Variants in PUM1 observed in about 807,000 individuals in gnomAD.
The protein encoded by PUM1 is pumilio homolog 1.
Under a neutral mutation model 131.8 loss-of-function variants are expected in PUM1, and 13 were observed. That is an observed-to-expected ratio of 0.10 (90% CI 0.06 to 0.16). The LOEUF (loss-of-function observed/expected upper bound fraction) is 0.16, where lower values mean the gene tolerates loss of function less well. Ranked by LOEUF, PUM1 falls within the 10% of genes least tolerant of loss-of-function variation. The pLI is 1.00. For synonymous variants in PUM1, 509 were observed against 556.5 expected (o/e 0.91, Z 1.20); for missense variants, 961 against 1,512.4 (o/e 0.64, Z 6.05).
intron 14 of PUM1, among the ~76,000 whole-genome samples, chr1:30,962,867 C>G (rs946527009): frequency 6.6e-6 from 1 of 151,900 alleles, no homozygotes; most frequent in Non-Finnish European, 1.5e-5. Flanking sequence ...CTATCTGGCT[C>G]TTTATGAAAA....
chr1:30,964,660 G>C lies in PUM1; in HGVS notation c.2323+14C>G. The C allele has an allele frequency of 1.3e-6, 2 of 1,589,334 alleles. No individual in the cohort carries two copies. Among genetic ancestry groups the C allele is most frequent in the Non-Finnish European group, 1.7e-6 (2 of 1,157,572 alleles). ...TTCTAGAGTTCAAGGTGGTGTTAGA[G>C]TAATGGTTCTTACCCAGGTTTAAGC... On this transcript the variant is annotated intron_variant, in intron 14 of 21. Coordinates refer to ENST00000426105, the MANE Select transcript of PUM1 (RefSeq NM_001020658.2).
intron 10 of PUM1, 98 bp downstream of exon 10, chr1:30,974,553 G>T: frequency 8.6e-7 from 1 of 1,160,912 alleles, no homozygotes; most frequent in Non-Finnish European, 1.2e-6. Context: ...GGAAATTCAT[G>T]CATTCACAGT....
intron 5 of PUM1, among the ~76,000 whole-genome samples, chr1:30,995,631 T>G (rs1465729999): frequency 6.6e-6 from 1 of 151,848 alleles, no homozygotes; most frequent in Non-Finnish European, 1.5e-5. Context: ...GCTAATAGCA[T>G]AGAAAAAAAA....
intron 5 of PUM1, 77 bp downstream of exon 5, chr1:31,005,776 G>C (rs935192670): frequency 7.2e-7 from 1 of 1,383,578 alleles, no homozygotes; most frequent in African/African-American, 1.6e-5. Flanking sequence ...GGCATGTTTT[G>C]CTTTAGGGGA....
chr1:31,060,304 T>C (rs922756002), intron 1 of PUM1, among the ~76,000 whole-genome samples: 60 of 150,594 alleles, frequency 4.0e-4, no homozygotes, highest in African/African-American at 1.4e-3. Flanking sequence ...CTACTAAAAA[T>C]ATAAAAATTA....
At chr1:31,008,180 C>T (rs988956154) in intron 3 of PUM1, among the ~76,000 whole-genome samples, 2 of 152,118 alleles carry the variant, frequency 1.3e-5, no homozygotes, top group South Asian at 2.1e-4. Context: ...TAACCCATAA[C>T]CCAATGATAA....
chr1:30,966,360 A>G, intron 12 of PUM1, 82 bp from the exon 13 acceptor site: 1 of 1,370,680 alleles, frequency 7.3e-7, no homozygotes, highest in Non-Finnish European at 9.9e-7. Flanking sequence ...TTTTCAAAAA[A>G]TCTTTTAATG....
rs1370581918 is a variant in PUM1, at chr1:30,947,142, T to C, written c.2857-1659A>G. Among the ~76,000 whole-genome samples the C allele has an allele frequency of 2.0e-5, 3 of 152,300 alleles. No homozygotes were observed. In the South Asian group the frequency reaches 6.2e-4, roughly 32 times the overall value. On this transcript the variant is annotated intron_variant, in intron 17 of 21. Coordinates refer to ENST00000426105, the MANE Select transcript of PUM1 (RefSeq NM_001020658.2). Reference sequence around the variant, plus strand: ...AGGCAAATTAAAAGACTTACAAAACTATAGACCTAGATTCCCAACATTCAA... The same window carrying C: ...AGGCAAATTAAAAGACTTACAAAACCATAGACCTAGATTCCCAACATTCAA...
chr1:31,031,386 A>G (rs544494821), intron 2 of PUM1, among the ~76,000 whole-genome samples: 7 of 152,346 alleles, frequency 4.6e-5, no homozygotes, highest in African/African-American at 1.7e-4. Context: ...TAAGAAAAAA[A>G]GTATGCACTG....
chr1:30,974,884 T>C lies in PUM1; in HGVS notation c.1355-82A>G, dbSNP rs149658114. On this transcript the variant is annotated intron_variant, in intron 9 of 21. Coordinates refer to ENST00000426105, the MANE Select transcript of PUM1 (RefSeq NM_001020658.2). ...CTTTCCAAAATTACATCTGACTCAA[T>C]AGATCCTACTGTAAAATATTAACTT... The C allele has an allele frequency of 1.2e-3, 1,211 of 1,021,368 alleles. 7 individuals carry two copies. In the African/African-American group the frequency reaches 0.015, roughly 13 times the overall value. The allele number at this position is 1,021,368 out of a possible 1,614,324, so 63.3% of individuals were successfully genotyped here. A position where few individuals can be genotyped will look rare whatever the true frequency, so the allele number is the denominator to read the frequency against.
intron 2 of PUM1, among the ~76,000 whole-genome samples, chr1:31,029,077 T>C (rs1024831481): frequency 6.6e-6 from 1 of 152,204 alleles, no homozygotes; most frequent in African/African-American, 2.4e-5. Flanking sequence ...CATTCCCTTA[T>C]ATTTTCAAAA....
chr1:31,037,929 A>G (rs1435088740), intron 2 of PUM1, among the ~76,000 whole-genome samples: 1 of 151,208 alleles, frequency 6.6e-6, no homozygotes, highest in African/African-American at 2.4e-5. Context: ...ATACAAAAAA[A>G]TTAGCCAGGC....
chr1:31,009,671 G>C (rs1570263721), intron 3 of PUM1, among the ~76,000 whole-genome samples: 1 of 150,708 alleles, frequency 6.6e-6, no homozygotes, highest in East Asian at 2.0e-4. Context: ...GGGAGGCTGA[G>C]GCACAAGAAT....
At chr1:31,031,746 C>T (rs1274216004) in intron 2 of PUM1, among the ~76,000 whole-genome samples, 3 of 152,168 alleles carry the variant, frequency 2.0e-5, no homozygotes, top group Non-Finnish European at 4.4e-5. Flanking sequence ...CTATCTCTTC[C>T]CCTACCTTCA....
In PUM1 at chr1:31,015,620, C is replaced by T. The variant is rs557670957; in HGVS notation, c.433-8518G>A. ...CCTCCCAAAGTGCTGGGATTACAGA[C>T]GTGAGCCATCACGCCCAGCCACTTC... On this transcript the variant is annotated intron_variant, in intron 3 of 21. Transcript: ENST00000426105. Among the ~76,000 whole-genome samples, 121 of 151,470 alleles carry T rather than the reference C, an allele frequency of 8.0e-4. 1 individual carries two copies. Among genetic ancestry groups the T allele is most frequent in the African/African-American group, 2.2e-3 (91 of 41,330 alleles).
chr1:30,943,073 C>A (rs1440262416), intron 18 of PUM1, among the ~76,000 whole-genome samples: 1 of 152,036 alleles, frequency 6.6e-6, no homozygotes, highest in Non-Finnish European at 1.5e-5. Context: ...TGACTTTATA[C>A]ATGTAGCTTT....
intron 3 of PUM1, among the ~76,000 whole-genome samples, chr1:31,009,895 C>T (rs913076367): frequency 6.6e-6 from 1 of 151,716 alleles, no homozygotes; most frequent in African/African-American, 2.4e-5. Context: ...TTACAGAAAG[C>T]AGCAGCCTTT....
At chr1:30,971,744 CATA>C (rs1000704812) in intron 10 of PUM1, among the ~76,000 whole-genome samples, 12 of 152,234 alleles carry the variant, frequency 7.9e-5, no homozygotes, top group African/African-American at 1.2e-4. Context: ...GTACAACTAT[CATA>C]ATAAGAGAAA....
chr1:31,057,399 T>C (rs1415820862), intron 2 of PUM1, among the ~76,000 whole-genome samples: 4 of 124,072 alleles, frequency 3.2e-5, no homozygotes, highest in Admixed American at 8.6e-5. Flanking sequence ...GAGCCAGACC[T>C]TGTCTCAAAA....
Sources: allele counts gnomAD v4.1 joint callset (sites outside exome capture counted in the v4.1 genomes callset), GRCh38; gene constraint gnomAD v4.1.1; transcripts MANE v1.5; gene names NCBI Gene and HGNC (gene_info 2026-07-23, HGNC 2026-07-21).